The following ADAMTS14 variants were observed in gnomAD, a reference collection of about 807,000 sequenced individuals.
The protein encoded by ADAMTS14 is A disintegrin and metalloproteinase with thrombospondin motifs 14.
A neutral mutation model predicts 128.6 loss-of-function variants in ADAMTS14; 100 were observed. The observed-to-expected ratio is 0.78, with a 90% CI of 0.66 to 0.92. The LOEUF is 0.92. Among genes scored for constraint, ADAMTS14 ranks in the 40% least tolerant of loss-of-function variants. The pLI is 0.00. For missense variants in ADAMTS14, 1,562 were observed against 1,658.6 expected (o/e 0.94, Z 1.01); for synonymous variants, 665 against 653.8 (o/e 1.02, Z -0.26).
At chr10:70,688,930 A>T (rs1840102632) in intron 2 of ADAMTS14, among the ~76,000 whole-genome samples, 1 of 133,244 alleles carries the variant, frequency 7.5e-6, no homozygotes, top group East Asian at 2.6e-4. Context: ...AGCCAGCCAC[A>T]TATTTACACC....
At position 70,674,948 on chromosome 10, in the gene ADAMTS14, A is replaced by G. The variant is rs776807900; in HGVS notation, c.475A>G (p.Thr159Ala). The G allele has an allele frequency of 6.2e-7, 1 of 1,613,184 alleles. No homozygotes were observed. Among genetic ancestry groups the G allele is most frequent in the Admixed American group, 1.7e-5 (1 of 60,030 alleles). Residue 159 changes from threonine to alanine, a missense_variant, in exon 2 of 22, where the codon ACT (threonine) becomes GCT (alanine). Transcript: ENST00000373207. ...GGAGTGTGTGTACACTGGAGGTGTCACTGGAATGCCTGGGGCAGCTGTTGC... is the reference window on the plus strand; with the variant it reads ...GGAGTGTGTGTACACTGGAGGTGTCGCTGGAATGCCTGGGGCAGCTGTTGC... ...RQECVYTGGV[T>A]GMPGAAVAIS...
intron 4 of ADAMTS14, among the ~76,000 whole-genome samples, chr10:70,724,529 C>T (rs148963072): frequency 2.0e-5 from 3 of 152,224 alleles, no homozygotes; most frequent in African/African-American, 7.2e-5. Context: ...CAGCGAGCTA[C>T]CTGTGCATGT....
At position 70,738,857 on chromosome 10, in the gene ADAMTS14, C is replaced by T. The variant is rs769679153; in HGVS notation, c.1615C>T (p.His539Tyr). ...TCTGCCCCAGTGGTGCTTCAAAGGT[C>T]ACTGCATCTGGAAGTCGCCGGAGCA... ...CAPGKWCFKG[H>Y]CIWKSPEQTY... Residue 539 changes from histidine (H) to tyrosine (Y), a missense_variant, in exon 11 of 22, where the codon CAC (histidine) becomes TAC (tyrosine). By Grantham distance (83) the His-to-Tyr change is moderately conservative (BLOSUM62 2). Coordinates refer to ENST00000373207, the MANE Select transcript of ADAMTS14 (RefSeq NM_080722.4). The T allele has an allele frequency of 3.7e-6, 6 of 1,614,100 alleles. No homozygotes were observed. The South Asian group carries it at 6.6e-5, about 18-fold the overall frequency.
Position 70,760,404 on chromosome 10 carries a change from G to T in ADAMTS14, c.3223G>T (p.Val1075Leu). ...GDRSVFCQMEVLDRYCSIPGY... is the reference protein window; with the variant it reads ...GDRSVFCQMELLDRYCSIPGY... ...CAGGTCTGTCTTCTGCCAGATGGAA[G>T]TGCTCGATCGCTACTGCTCCATTCC... Residue 1075 changes from valine (V) to leucine (L), a missense_variant, in exon 22 of 22, where the codon GTG (valine) becomes TTG (leucine). Transcript: ENST00000373207. 1 of 1,606,240 alleles carries T rather than the reference G, an allele frequency of 6.2e-7. No individual in the cohort carries two copies. Among genetic ancestry groups the T allele is most frequent in the Non-Finnish European group, 8.5e-7 (1 of 1,176,566 alleles).
chr10:70,753,756 G>A, intron 18 of ADAMTS14, 44 bp from the exon 19 acceptor site: 5 of 1,494,520 alleles, frequency 3.3e-6, no homozygotes, highest in Non-Finnish European at 4.5e-6. Flanking sequence ...CTGGGATGAA[G>A]TGCCCCCTTG....
At chr10:70,721,600 G>A (rs752705223) in intron 4 of ADAMTS14, among the ~76,000 whole-genome samples, 6 of 151,954 alleles carry the variant, frequency 3.9e-5, no homozygotes, top group Middle Eastern at 3.2e-3. Context: ...TGTTAGCCAG[G>A]ATGGTCTCAG....
chr10:70,714,431 C>T (rs1840959114), intron 4 of ADAMTS14, among the ~76,000 whole-genome samples: 1 of 152,248 alleles, frequency 6.6e-6, no homozygotes, highest in Non-Finnish European at 1.5e-5. Flanking sequence ...ACTGTGTCCA[C>T]TCCAGAGCTC....
intron 2 of ADAMTS14, among the ~76,000 whole-genome samples, chr10:70,691,497 A>AAC (rs1554815421): frequency 6.3e-5 from 9 of 142,328 alleles, no homozygotes; most frequent in Admixed American, 3.5e-4. Flanking sequence ...TAAAAAAAAA[A>AAC]AAAAAAAAAA....
chr10:70,721,374 CTT>C (rs937750581), intron 4 of ADAMTS14, among the ~76,000 whole-genome samples: 1 of 146,154 alleles, frequency 6.8e-6, no homozygotes, highest in African/African-American at 2.5e-5. Context: ...ATATGTTACT[CTT>C]TTTTTTTTTC....
At position 70,704,837 on chromosome 10, in the gene ADAMTS14, C is replaced by T. The variant is rs373922109; in HGVS notation, c.679+2369C>T. On this transcript the variant is annotated intron_variant, in intron 3 of 21. Transcript: ENST00000373207. The stretch of plus-strand genomic sequence containing the variant: ...CTATACCCTCATGCTCACACACTGA[C>T]GCAAACACACGCTTACAAGCACACA... Among the ~76,000 whole-genome samples, 197 of 151,166 alleles carry T rather than the reference C, an allele frequency of 1.3e-3. 4 individuals carry two copies. The East Asian group carries it at 0.025, about 19-fold the overall frequency.
At chr10:70,708,034 G>A (rs1328082064) in intron 3 of ADAMTS14, among the ~76,000 whole-genome samples, 2 of 152,178 alleles carry the variant, frequency 1.3e-5, no homozygotes, top group Non-Finnish European at 2.9e-5. Context: ...TTTGCTTTTA[G>A]CCAAAAGGGC....
intron 17 of ADAMTS14, among the ~76,000 whole-genome samples, 188 bp from the exon 18 acceptor site, chr10:70,751,907 C>T (rs1371323912): frequency 6.6e-6 from 1 of 152,208 alleles, no homozygotes; most frequent in South Asian, 2.1e-4. Context: ...CCAGAGCCAC[C>T]TTCTTACCAG....
chr10:70,741,289 G>A, intron 12 of ADAMTS14, 127 bp downstream of exon 12: 2 of 1,189,712 alleles, frequency 1.7e-6, no homozygotes, highest in Non-Finnish European at 2.3e-6. Flanking sequence ...GGTGCCAAAA[G>A]GGACACTGAA....
intron 2 of ADAMTS14, 41 bp from the exon 3 acceptor site, chr10:70,702,271 C>T: frequency 6.2e-7 from 1 of 1,613,336 alleles, no homozygotes; most frequent in Non-Finnish European, 8.5e-7. Context: ...GTTCATGCCT[C>T]TTATTTCTCT....
intron 3 of ADAMTS14, among the ~76,000 whole-genome samples, chr10:70,704,162 C>A (rs1045106065): frequency 1.8e-4 from 27 of 152,308 alleles, no homozygotes; most frequent in African/African-American, 6.0e-4. Context: ...CTTCCTCAGG[C>A]TGGGGACCTT....
intron 2 of ADAMTS14, among the ~76,000 whole-genome samples, chr10:70,695,158 T>C (rs1840296838): frequency 6.6e-6 from 1 of 152,148 alleles, no homozygotes. Flanking sequence ...AGATCTTTCT[T>C]GGAGAAACGT....
At chr10:70,702,869 G>A (rs1362747614) in intron 3 of ADAMTS14, among the ~76,000 whole-genome samples, 1 of 152,140 alleles carries the variant, frequency 6.6e-6, no homozygotes, top group Non-Finnish European at 1.5e-5. Context: ...AGGCTGCCTG[G>A]TGTCTGGGCG....
chr10:70,755,141 A>G (rs1291334693), intron 19 of ADAMTS14, among the ~76,000 whole-genome samples: 1 of 152,010 alleles, frequency 6.6e-6, no homozygotes, highest in African/African-American at 2.4e-5. Flanking sequence ...CCTCGCCTCT[A>G]CAAAAAATGT....
chr10:70,718,586 G>A (rs1841138634), intron 4 of ADAMTS14, among the ~76,000 whole-genome samples: 1 of 151,650 alleles, frequency 6.6e-6, no homozygotes, highest in Non-Finnish European at 1.5e-5. Flanking sequence ...GGGATTCGCT[G>A]TGTTGGCCAG....
Sources: gnomAD v4.1 joint callset for allele counts (sites outside exome capture counted in the v4.1 genomes callset) on GRCh38, gnomAD v4.1.1 for gene constraint, MANE v1.5 for transcripts, NCBI Gene and HGNC (gene_info 2026-07-23, HGNC 2026-07-21) for gene names.